The following ZFYVE28 variants were observed in gnomAD, a reference collection of about 807,000 sequenced individuals.
ZFYVE28 encodes the protein lateral signaling target protein 2 homolog.
A neutral mutation model predicts 82.1 loss-of-function variants in ZFYVE28; 40 were observed. That is an observed-to-expected ratio of 0.49 (90% CI 0.38 to 0.63). The LOEUF is 0.63. Among genes scored for constraint, ZFYVE28 ranks in the 30% least tolerant of loss-of-function variants. The pLI is 0.00. For missense variants in ZFYVE28, 1,321 were observed against 1,242.1 expected, an observed-to-expected ratio of 1.06 and a Z score of -0.96; for synonymous variants, 612 against 546.1, an observed-to-expected ratio of 1.12 and a Z score of -1.68.
chr4:2,399,047 C>CACAAGCGTGGAGGTGAGATCCAGGGT (rs1226678148), intron 1 of ZFYVE28, among the ~76,000 whole-genome samples: 2 of 120,412 alleles, frequency 1.7e-5, no homozygotes, highest in Non-Finnish European at 1.7e-5. Context: ...AGATCCAGGG[C>CACAAGCGTGGAGGTGAGATCCAGGGT]ACAAGCGTGG....
At chr4:2,319,994 G>A (rs1718829666) in intron 7 of ZFYVE28, among the ~76,000 whole-genome samples, 176 bp downstream of exon 7, 1 of 152,198 alleles carries the variant, frequency 6.6e-6, no homozygotes, top group Non-Finnish European at 1.5e-5. Context: ...GCAAAAGCCA[G>A]GACTCTGTGA....
intron 6 of ZFYVE28, among the ~76,000 whole-genome samples, chr4:2,325,262 A>G (rs1719691017): frequency 6.6e-6 from 1 of 152,226 alleles, no homozygotes. Context: ...CAATGAACAA[A>G]TTTATTGTTG....
chr4:2,368,226 A>AAAAAAAAAAAAC (rs1553856593), intron 1 of ZFYVE28, among the ~76,000 whole-genome samples: 25 of 150,188 alleles, frequency 1.7e-4, no homozygotes, highest in African/African-American at 3.4e-4. Context: ...AAAAAAAAAA[A>AAAAAAAAAAAAC]AAAACACTGT....
intron 2 of ZFYVE28, among the ~76,000 whole-genome samples, chr4:2,349,164 T>C (rs1163390419): frequency 2.0e-5 from 3 of 152,158 alleles, no homozygotes; most frequent in East Asian, 1.9e-4. Flanking sequence ...ATGTATATAC[T>C]GGCATGAGAT....
At chr4:2,385,533 C>G (rs1046674039) in intron 1 of ZFYVE28, among the ~76,000 whole-genome samples, 1 of 152,228 alleles carries the variant, frequency 6.6e-6, no homozygotes, top group East Asian at 1.9e-4. Context: ...GCAAAGCGCC[C>G]CTTTGTTTCT....
intron 1 of ZFYVE28, among the ~76,000 whole-genome samples, chr4:2,357,876 C>G (rs1725568896): frequency 6.6e-6 from 1 of 152,178 alleles, no homozygotes; most frequent in Non-Finnish European, 1.5e-5. Context: ...CACCAAAAAC[C>G]TCACAACACT....
At chr4:2,302,620 C>A (rs1199743677) in intron 8 of ZFYVE28, among the ~76,000 whole-genome samples, 2 of 152,270 alleles carry the variant, frequency 1.3e-5, no homozygotes, top group African/African-American at 2.4e-5. Flanking sequence ...CAATTCCGCT[C>A]ACAGGGATCC....
At chr4:2,361,391 G>A (rs923906086) in intron 1 of ZFYVE28, among the ~76,000 whole-genome samples, 2 of 152,162 alleles carry the variant, frequency 1.3e-5, no homozygotes, top group Non-Finnish European at 2.9e-5. Context: ...TGGGAGGTGC[G>A]GGTTGGAGGC....
chr4:2,307,774 T>C (rs767066565), intron 7 of ZFYVE28, among the ~76,000 whole-genome samples: 1 of 152,064 alleles, frequency 6.6e-6, no homozygotes, highest in African/African-American at 2.4e-5. Context: ...GATTACGGCA[T>C]GAGCCACCAT....
At chr4:2,323,410 G>C (rs1049154598) in intron 6 of ZFYVE28, among the ~76,000 whole-genome samples, 5 of 152,118 alleles carry the variant, frequency 3.3e-5, no homozygotes, top group African/African-American at 1.2e-4. Flanking sequence ...TCGATTTGTT[G>C]TTGAGTTGTA....
intron 5 of ZFYVE28, among the ~76,000 whole-genome samples, chr4:2,337,172 G>A (rs896119168): frequency 7.9e-5 from 12 of 152,118 alleles, no homozygotes; most frequent in South Asian, 2.1e-4. Flanking sequence ...ACAGAAAAGC[G>A]ACCGTGGGGC....
chr4:2,392,646 A>G (rs1430820520), intron 1 of ZFYVE28, among the ~76,000 whole-genome samples: 1 of 152,214 alleles, frequency 6.6e-6, no homozygotes, highest in Non-Finnish European at 1.5e-5. Flanking sequence ...ATCATATTAA[A>G]TTATTTAAAT....
At position 2,304,835 on chromosome 4, in the gene ZFYVE28, T is replaced by G; in HGVS notation, c.1505A>C (p.Glu502Ala). The G allele has an allele frequency of 6.2e-7, 1 of 1,612,558 alleles. No individual in the cohort carries two copies. The highest frequency in any genetic ancestry group is 1.1e-5 in the South Asian group (1 of 91,062). ...EVGADDAETA[E>A]MIAHRTGGMK... ...GCCCCCTGTCCGGTGGGCGATCATCTCAGCCGTCTCTGCGTCATCCGCACC... is the reference window on the plus strand; with the variant it reads ...GCCCCCTGTCCGGTGGGCGATCATCGCAGCCGTCTCTGCGTCATCCGCACC... Residue 502 changes from glutamate (E) to alanine (A), a missense_variant, in exon 8 of 13, where the codon GAG (glutamate) becomes GCG (alanine). By Grantham distance (107) the Glu-to-Ala change is moderately radical. Transcript: ENST00000290974.
chr4:2,337,307 A>G, intron 5 of ZFYVE28, 100 bp downstream of exon 5: 1 of 1,044,954 alleles, frequency 9.6e-7, no homozygotes, highest in Non-Finnish European at 1.4e-6. Flanking sequence ...CACTCCCGAG[A>G]CACAGCAGGT....
At chr4:2,303,817 T>C (rs1291304304) in intron 8 of ZFYVE28, among the ~76,000 whole-genome samples, 1 of 152,188 alleles carries the variant, frequency 6.6e-6, no homozygotes, top group Non-Finnish European at 1.5e-5. Context: ...CTGCGTCTCG[T>C]TTCAGCCCGG....
intron 7 of ZFYVE28, among the ~76,000 whole-genome samples, chr4:2,308,765 G>C (rs1717080409): frequency 6.6e-6 from 1 of 151,714 alleles, no homozygotes; most frequent in Non-Finnish European, 1.5e-5. Flanking sequence ...AAGAGAGAAA[G>C]AGGGAGGGAG....
At chr4:2,393,923 G>A (rs190942735) in intron 1 of ZFYVE28, among the ~76,000 whole-genome samples, 20 of 152,358 alleles carry the variant, frequency 1.3e-4, no homozygotes, top group Non-Finnish European at 2.5e-4. Context: ...CAGTTCTGGA[G>A]GACAGAATTC....
rs932848440 is a variant in ZFYVE28 at position 2,337,593 on chromosome 4, G to A, written c.522-97C>T. The A allele has an allele frequency of 6.4e-6, 6 of 944,396 alleles. No homozygotes were observed. In the Admixed American group the frequency reaches 1.0e-4, roughly 16 times the overall value. The allele number at this position is 944,396 out of a possible 1,614,324, so 58.5% of individuals were successfully genotyped here. ...CATCTTCAATTAAAGCTGCAATGCT[G>A]GGCAAGGTGGGGGCGGGGGGCCTCA... On this transcript the variant is annotated intron_variant, in intron 4 of 12. Transcript: ENST00000290974.
intron 9 of ZFYVE28, 37 bp from the exon 10 acceptor site, chr4:2,273,326 A>T: frequency 6.3e-7 from 1 of 1,581,950 alleles, no homozygotes; most frequent in Non-Finnish European, 8.6e-7. Context: ...CGACAGAAGG[A>T]CGGATGGAAG....
Sources: allele counts gnomAD v4.1 joint callset (sites outside exome capture counted in the v4.1 genomes callset), GRCh38; gene constraint gnomAD v4.1.1; transcripts MANE v1.5; gene names NCBI Gene and HGNC (gene_info 2026-07-23, HGNC 2026-07-21).